The following ELMO1 variants were observed in gnomAD, a reference collection of about 807,000 sequenced individuals.
ELMO1 encodes engulfment and cell motility 1.
ELMO1 carries 26 observed loss-of-function variants against 98.9 expected under a neutral mutation model. The observed-to-expected ratio is 0.26, with a 90% CI of 0.19 to 0.36. The LOEUF (loss-of-function observed/expected upper bound fraction) is 0.36, where lower values mean the gene tolerates loss of function less well. Ranked by LOEUF, ELMO1 falls within the 10% of genes least tolerant of loss-of-function variation. The pLI is 1.00. For synonymous variants in ELMO1, 346 were observed against 346.0 expected (o/e 1.00, Z 0.00); for missense variants, 627 against 935.2 (o/e 0.67, Z 4.30).
At chr7:37,441,183 G>C (rs1452308697) in intron 1 of ELMO1, among the ~76,000 whole-genome samples, 1 of 151,702 alleles carries the variant, frequency 6.6e-6, no homozygotes, top group African/African-American at 2.4e-5. Context: ...GAAGGGTGGA[G>C]GGTTGCTATA....
chr7:36,864,312 C>T (rs1343122494), intron 20 of ELMO1, among the ~76,000 whole-genome samples: 3 of 152,098 alleles, frequency 2.0e-5, no homozygotes, highest in African/African-American at 7.2e-5. Context: ...CAGCTTTGCC[C>T]TTCTATGACA....
intron 4 of ELMO1, 77 bp from the exon 5 acceptor site, chr7:37,271,959 T>G: frequency 5.6e-6 from 7 of 1,250,682 alleles, no homozygotes; most frequent in Non-Finnish European, 1.2e-6. Flanking sequence ...AAATATAATC[T>G]AGCAGATATA....
intron 13 of ELMO1, among the ~76,000 whole-genome samples, chr7:37,137,255 A>T (rs1334071452): frequency 6.6e-6 from 1 of 152,178 alleles, no homozygotes; most frequent in Non-Finnish European, 1.5e-5. Flanking sequence ...CTAACACTGG[A>T]TCTCCCAAAT....
chr7:37,097,810 T>C (rs1178314763), intron 14 of ELMO1, among the ~76,000 whole-genome samples: 5 of 152,188 alleles, frequency 3.3e-5, no homozygotes, highest in Non-Finnish European at 7.3e-5. Context: ...TGTTTGAGAC[T>C]GGTTCCACCT....
chr7:37,394,488 A>C (rs1331642091), intron 1 of ELMO1, among the ~76,000 whole-genome samples: 1 of 152,222 alleles, frequency 6.6e-6, no homozygotes, highest in African/African-American at 2.4e-5. Context: ...TGCCAAGATC[A>C]TGAAGACATT....
chr7:37,251,542 C>T (rs1795349097), intron 6 of ELMO1, among the ~76,000 whole-genome samples: 1 of 152,140 alleles, frequency 6.6e-6, no homozygotes, highest in Admixed American at 6.5e-5. Flanking sequence ...ATTTGCTTGC[C>T]TGCAAAGGAT....
Position 36,870,329 on chromosome 7 carries a change from G to T in ELMO1, c.1905+64C>A. ...GAACACTGCTATAAAGGAGGGCTAG[G>T]CTGGCTGCAGTTGCCGACCGCACTG... On this transcript the variant is annotated intron_variant, in intron 20 of 21. Coordinates refer to ENST00000310758, the MANE Select transcript of ELMO1 (RefSeq NM_014800.11). The surrounding 1 kb of genome is among the most constrained non-coding windows in gnomAD (Gnocchi z 4.4). 1 of 1,454,742 alleles carries T rather than the reference G, an allele frequency of 6.9e-7. No homozygotes were observed. The highest frequency in any genetic ancestry group is 9.6e-7 in the Non-Finnish European group (1 of 1,037,990). 90.1% of individuals were successfully genotyped at this position (1,454,742 alleles called of 1,614,324 possible).
chr7:37,435,649 G>T (rs555485151), intron 1 of ELMO1, among the ~76,000 whole-genome samples: 10 of 152,260 alleles, frequency 6.6e-5, no homozygotes, highest in African/African-American at 2.4e-4. Flanking sequence ...AGGTCCAGAC[G>T]CCGAGTCTCA....
chr7:37,151,849 C>T (rs910738656), intron 13 of ELMO1, among the ~76,000 whole-genome samples: 2 of 152,188 alleles, frequency 1.3e-5, no homozygotes, highest in African/African-American at 4.8e-5. Flanking sequence ...ATTTTCCACT[C>T]TCTTTCTCTG....
At chr7:37,148,578 AACTC>A (rs1788151598) in intron 13 of ELMO1, among the ~76,000 whole-genome samples, 1 of 152,260 alleles carries the variant, frequency 6.6e-6, no homozygotes, top group Non-Finnish European at 1.5e-5. Flanking sequence ...TTACCATAAA[AACTC>A]AATTAAAAAA....
intron 15 of ELMO1, among the ~76,000 whole-genome samples, chr7:37,035,696 T>C (rs545458794): frequency 6.6e-6 from 1 of 152,210 alleles, no homozygotes; most frequent in Admixed American, 6.5e-5. Context: ...TATGGGTCCA[T>C]GATGTTATTC....
chr7:37,427,438 C>G (rs1215399558), intron 1 of ELMO1, among the ~76,000 whole-genome samples: 1 of 152,256 alleles, frequency 6.6e-6, no homozygotes, highest in African/African-American at 2.4e-5. Context: ...GTGACCAACA[C>G]TGCAACGTGT....
At chr7:36,972,764 A>G (rs1012921415) in intron 16 of ELMO1, among the ~76,000 whole-genome samples, 2 of 152,178 alleles carry the variant, frequency 1.3e-5, no homozygotes, top group African/African-American at 4.8e-5. Context: ...CTATATATCT[A>G]TATAACTATA....
At chr7:37,127,387 G>A (rs1032038768) in intron 14 of ELMO1, among the ~76,000 whole-genome samples, 1 of 152,046 alleles carries the variant, frequency 6.6e-6, no homozygotes, top group Non-Finnish European at 1.5e-5. Flanking sequence ...TTCCAAGAAT[G>A]ACAACACTGT....
At chr7:36,880,263 T>C (rs1426058639) in intron 18 of ELMO1, among the ~76,000 whole-genome samples, 2 of 152,172 alleles carry the variant, frequency 1.3e-5, no homozygotes, top group South Asian at 2.1e-4. Context: ...CTGTGCTTTA[T>C]AGGAATCCCT....
At chr7:37,020,281 C>CA (rs1794193294) in intron 15 of ELMO1, among the ~76,000 whole-genome samples, 1 of 152,196 alleles carries the variant, frequency 6.6e-6, no homozygotes, top group Admixed American at 6.5e-5. Context: ...AAAGCCCATC[C>CA]AAAATTGTAG....
chr7:36,913,991 G>C (rs554279254), intron 16 of ELMO1, among the ~76,000 whole-genome samples: 9 of 152,214 alleles, frequency 5.9e-5, no homozygotes, highest in Non-Finnish European at 1.3e-4. Flanking sequence ...GCCATATTTT[G>C]TGAACATGCA....
chr7:37,256,342 T>C (rs1430449947), intron 6 of ELMO1, among the ~76,000 whole-genome samples: 1 of 152,130 alleles, frequency 6.6e-6, no homozygotes, highest in Non-Finnish European at 1.5e-5. Context: ...TCTGACATGA[T>C]GTTCTTCACA....
chr7:36,978,645 A>G (rs1790786029), intron 16 of ELMO1, among the ~76,000 whole-genome samples: 1 of 152,194 alleles, frequency 6.6e-6, no homozygotes, highest in Non-Finnish European at 1.5e-5. Context: ...TGACTTACAA[A>G]TGTAAAAGCC....
Sources: gnomAD v4.1 joint callset for allele counts (sites outside exome capture counted in the v4.1 genomes callset) on GRCh38, gnomAD v4.1.1 for gene constraint, Gnocchi (gnomAD v3.1) non-coding constraint, MANE v1.5 for transcripts, NCBI Gene and HGNC (gene_info 2026-07-23, HGNC 2026-07-21) for gene names.